The following NGEF variants were observed in gnomAD, a reference collection of about 807,000 sequenced individuals.
The protein encoded by NGEF is neuronal guanine nucleotide exchange factor.
NGEF carries 31 observed loss-of-function variants against 80.9 expected under a neutral mutation model. That is an observed-to-expected ratio of 0.38 (90% CI 0.29 to 0.52). The LOEUF (loss-of-function observed/expected upper bound fraction) is 0.52, where lower values mean the gene tolerates loss of function less well. Among genes scored for constraint, NGEF ranks in the 20% least tolerant of loss-of-function variants. The pLI, the probability that NGEF is intolerant of heterozygous loss-of-function variation, is 0.84. For missense variants in NGEF, 709 were observed against 926.2 expected (o/e 0.77, Z 3.04); for synonymous variants, 371 against 370.2 (o/e 1.00, Z -0.03).
chr2:233,004,275 C>G (rs909384648), intron 1 of NGEF, among the ~76,000 whole-genome samples: 8 of 152,158 alleles, frequency 5.3e-5, no homozygotes, highest in Non-Finnish European at 8.8e-5. Flanking sequence ...CTTCTGGGGA[C>G]TCCTCCCTCT....
intron 1 of NGEF, among the ~76,000 whole-genome samples, chr2:232,992,991 A>G (rs955495704): frequency 2.4e-5 from 3 of 122,786 alleles, no homozygotes; most frequent in African/African-American, 1.0e-4. Context: ...TGCCTGAAGT[A>G]TATATATATA....
chr2:232,953,864 C>T (rs1224807934), intron 3 of NGEF, among the ~76,000 whole-genome samples: 2 of 151,912 alleles, frequency 1.3e-5, no homozygotes, highest in African/African-American at 4.8e-5. Context: ...CTTGAGCCAC[C>T]AGATAAGACA....
chr2:232,926,904 AT>A, intron 4 of NGEF, 139 bp downstream of exon 4: 1 of 1,093,584 alleles, frequency 9.1e-7, no homozygotes, highest in South Asian at 1.5e-5. Flanking sequence ...AGAGCCAAAC[AT>A]GTCAAAAGCT....
At chr2:232,930,476 C>A (rs558086010) in intron 3 of NGEF, among the ~76,000 whole-genome samples, 1 of 152,086 alleles carries the variant, frequency 6.6e-6, no homozygotes, top group Non-Finnish European at 1.5e-5. Context: ...CCCGCCACCA[C>A]GCCTGGCTAA....
intron 3 of NGEF, chr2:232,928,287 CGCGAGCGCCGACTGCGGGCTGGGGCCT>C: frequency 1.8e-6 from 1 of 558,646 alleles, no homozygotes; most frequent in Non-Finnish European, 2.3e-6. Flanking sequence ...ACCCGGGCCC[CGCGAGCGCCGACTGCGGGCTGGGGCCT>C]GCCGCGGGCT....
chr2:232,879,420 G>GCCCCCCCCCCCC lies in NGEF; in HGVS notation c.*57_*68dup. 4.9e-6 allele frequency: 6 copies of GCCCCCCCCCCCC among 1,228,156 alleles called. 1 individual carries two copies. The South Asian group carries it at 9.2e-5, about 19-fold the overall frequency. The allele number at this position is 1,228,156 out of a possible 1,614,324, so 76.1% of individuals were successfully genotyped here. ...GAGGTGCTGGCCTGTGCTTCCCAGA[G>GCCCCCCCCCCCC]CCCCCCCCCCCCCACCTTCTGTCGG... On this transcript the variant is annotated 3_prime_UTR_variant, in exon 15 of 15. Transcript: ENST00000264051.
intron 5 of NGEF, chr2:232,905,895 G>A (rs370593019): frequency 0.063 from 5,260 of 83,018 alleles, 55 homozygotes; most frequent in African/African-American, 0.16. Context: ...GAGGGAGGTG[G>A]GGGGGTCAGC....
rs148386218 is a variant in NGEF, at chr2:232,894,664, C to T, written c.989+92G>A. ...TTCCAAACATCTGGAAGTAGAGAAG[C>T]CAGTATCGAGCACTTGTCATCAGTG... On this transcript the variant is annotated intron_variant, in intron 6 of 14. Transcript: ENST00000264051. 1.3e-4 allele frequency: 152 copies of T among 1,194,532 alleles called. No homozygotes were observed. The African/African-American group carries it at 1.8e-3, about 14-fold the overall frequency. 74.0% of individuals were successfully genotyped at this position (1,194,532 alleles called of 1,614,324 possible). A position where few individuals can be genotyped will look rare whatever the true frequency, so the allele number is the denominator to read the frequency against.
intron 3 of NGEF, among the ~76,000 whole-genome samples, chr2:232,962,982 C>T (rs921811677): frequency 4.6e-5 from 7 of 151,928 alleles, no homozygotes; most frequent in South Asian, 4.1e-4. Context: ...TGAAATTTAT[C>T]TGTAGAGACA....
chr2:232,922,698 T>C (rs1014599572), intron 4 of NGEF, among the ~76,000 whole-genome samples: 2 of 152,244 alleles, frequency 1.3e-5, no homozygotes, highest in Admixed American at 1.3e-4. Flanking sequence ...CAGGTTGACT[T>C]GGATTCACTT....
At chr2:232,880,394 C>T (rs1409127963) in intron 14 of NGEF, among the ~76,000 whole-genome samples, 1 of 152,224 alleles carries the variant, frequency 6.6e-6, no homozygotes, top group Non-Finnish European at 1.5e-5. Flanking sequence ...GGGAGGGGAG[C>T]AGGCTAGTTA....
At chr2:232,911,197 G>A (rs893529584) in intron 5 of NGEF, among the ~76,000 whole-genome samples, 1 of 152,138 alleles carries the variant, frequency 6.6e-6, no homozygotes, top group South Asian at 2.1e-4. Flanking sequence ...TTAGGTTGAG[G>A]TTAATGTTTT....
intron 1 of NGEF, among the ~76,000 whole-genome samples, chr2:232,995,736 A>G (rs1251784199): frequency 6.8e-6 from 1 of 146,104 alleles, no homozygotes; most frequent in Non-Finnish European, 1.5e-5. Context: ...TTATACATAT[A>G]CATATGCACA....
rs142650451 is a variant in NGEF at position 232,881,195 on chromosome 2, C to T, written c.1893G>A (p.Leu631=). 2.0e-5 allele frequency: 33 copies of T among 1,611,828 alleles called. No individual in the cohort carries two copies. The African/African-American group carries it at 4.3e-4, about 21-fold the overall frequency. The part of the protein sequence containing the change: ...HPYVAQQPDE[L]TLELADILNI... Reference sequence around the variant, plus strand: ...TGAGGATGTCGGCGAGCTCCAGCGTCAGCTCGTCTGGCTGCTGAGCCACGT... The same window carrying T: ...TGAGGATGTCGGCGAGCTCCAGCGTTAGCTCGTCTGGCTGCTGAGCCACGT... The change falls in exon 14 of 15, where the codon CTG becomes CTA. Residue 631 remains leucine (L), a synonymous_variant. Transcript: ENST00000264051.
At chr2:232,984,596 T>C (rs1694497783) in intron 1 of NGEF, among the ~76,000 whole-genome samples, 1 of 152,046 alleles carries the variant, frequency 6.6e-6, no homozygotes, top group Non-Finnish European at 1.5e-5. Context: ...AAAAGGCCAA[T>C]GACAGCGTGA....
At position 232,888,612 on chromosome 2, in the gene NGEF, T is replaced by C. The variant is rs148332057; in HGVS notation, c.1273-505A>G. Among the ~76,000 whole-genome samples the C allele has an allele frequency of 4.5e-3, 687 of 152,138 alleles. 8 individuals are homozygous for C. Among genetic ancestry groups the C allele is most frequent in the African/African-American group, 0.016 (668 of 41,494 alleles). On this transcript the variant is annotated intron_variant, in intron 8 of 14. Coordinates refer to ENST00000264051, the MANE Select transcript of NGEF (RefSeq NM_019850.3). ...ATACACACAGCCTCCATCTGACAAA[T>C]GGAGAGCAAGAGAGCCCGCAGGTGT...
intron 1 of NGEF, among the ~76,000 whole-genome samples, chr2:233,003,319 C>G (rs376905480): frequency 6.6e-6 from 1 of 152,126 alleles, no homozygotes; most frequent in Non-Finnish European, 1.5e-5. Flanking sequence ...CACAGCAGCG[C>G]GGGGTGCTCT....
chr2:232,891,055 T>G (rs1691867067), intron 8 of NGEF: 1 of 518,606 alleles, frequency 1.9e-6, no homozygotes, highest in South Asian at 1.5e-5. Context: ...GTGTCTTTCC[T>G]GACCCGCCCC....
At chr2:232,942,672 C>T (rs947136287) in intron 3 of NGEF, among the ~76,000 whole-genome samples, 11 of 151,908 alleles carry the variant, frequency 7.2e-5, no homozygotes, top group South Asian at 2.1e-4. Flanking sequence ...GCCAGGAGTT[C>T]GAGACCAGCC....
Sources: allele counts gnomAD v4.1 joint callset (sites outside exome capture counted in the v4.1 genomes callset), GRCh38; gene constraint gnomAD v4.1.1; transcripts MANE v1.5; gene names NCBI Gene and HGNC (gene_info 2026-07-23, HGNC 2026-07-21).